Variants in QTMAN observed in about 807,000 individuals in gnomAD.
The protein encoded by QTMAN is queuosine-tRNA mannosyltransferase.
the QTMAN span, among the ~76,000 whole-genome samples, chr2:144,196,500 T>A: frequency 6.6e-6 from 1 of 152,258 alleles, no homozygotes; most frequent in East Asian, 1.9e-4. Context: ...CCTACTATAG[T>A]GAAAGATAGG....
chr2:144,120,764 C>T, the QTMAN span, among the ~76,000 whole-genome samples: 2 of 152,054 alleles, frequency 1.3e-5, no homozygotes, highest in Non-Finnish European at 2.9e-5. Flanking sequence ...TTCTGAGCTA[C>T]CCCTTAAATC....
chr2:143,995,663 T>C, the QTMAN span, among the ~76,000 whole-genome samples: 1 of 152,312 alleles, frequency 6.6e-6, no homozygotes, highest in South Asian at 2.1e-4. Context: ...GCTATAACTA[T>C]AACTAGGCTA....
the QTMAN span, among the ~76,000 whole-genome samples, chr2:144,246,587 A>G: frequency 6.7e-6 from 1 of 149,698 alleles, no homozygotes; most frequent in Non-Finnish European, 1.5e-5. Flanking sequence ...CTCAAAAAAA[A>G]AAAAAAAAAA....
At chr2:144,145,630 G>A in the QTMAN span, 1 of 1,610,554 alleles carries the variant, frequency 6.2e-7, no homozygotes, top group Admixed American at 1.7e-5. Flanking sequence ...TTCTTGACAG[G>A]ATATATCAAC....
chr2:143,958,241 A>G, the QTMAN span, among the ~76,000 whole-genome samples: 1 of 152,122 alleles, frequency 6.6e-6, no homozygotes, highest in Non-Finnish European at 1.5e-5. Context: ...TAATGTAGAC[A>G]TAACTATCAA....
chr2:144,327,588 C>A, the QTMAN span, among the ~76,000 whole-genome samples: 1 of 152,080 alleles, frequency 6.6e-6, no homozygotes, highest in Non-Finnish European at 1.5e-5. Context: ...GTCCTAGAGT[C>A]CCTCATGCAA....
the QTMAN span, among the ~76,000 whole-genome samples, chr2:144,312,180 TC>T: frequency 6.7e-6 from 1 of 149,948 alleles, no homozygotes; most frequent in South Asian, 2.1e-4. Flanking sequence ...GGAGTTACAT[TC>T]TTTTTTTTTT....
chr2:144,271,168 G>T, the QTMAN span, among the ~76,000 whole-genome samples: 1 of 152,128 alleles, frequency 6.6e-6, no homozygotes, highest in East Asian at 1.9e-4. Flanking sequence ...TAAGTGTAAA[G>T]ATTTCTTTAT....
chr2:143,965,619 C>T, the QTMAN span, among the ~76,000 whole-genome samples: 4 of 152,106 alleles, frequency 2.6e-5, no homozygotes, highest in Non-Finnish European at 2.9e-5. Context: ...TAATTATTTG[C>T]CGTGGGGGCT....
the QTMAN span, among the ~76,000 whole-genome samples, chr2:144,318,667 G>T: frequency 6.6e-6 from 1 of 152,218 alleles, no homozygotes; most frequent in Non-Finnish European, 1.5e-5. Flanking sequence ...TGCAGTGGTG[G>T]CAGTGGCACA....
At chr2:144,192,730 A>G in the QTMAN span, among the ~76,000 whole-genome samples, 1 of 152,388 alleles carries the variant, frequency 6.6e-6, no homozygotes, top group South Asian at 2.1e-4. Flanking sequence ...TTCAAGCTAG[A>G]TAATTTGCAC....
chr2:144,156,540 T>C, the QTMAN span, among the ~76,000 whole-genome samples: 5 of 152,112 alleles, frequency 3.3e-5, no homozygotes, highest in Non-Finnish European at 7.4e-5. Context: ...TGCTAAATCC[T>C]GTGTGTGAGA....
chr2:144,025,656 C>G, the QTMAN span, among the ~76,000 whole-genome samples: 1 of 152,178 alleles, frequency 6.6e-6, no homozygotes, highest in African/African-American at 2.4e-5. Context: ...TTATCCATGA[C>G]AGGTGTACTA....
chr2:143,942,316 G>A, the QTMAN span: 4 of 167,144 alleles, frequency 2.4e-5, no homozygotes, highest in Non-Finnish European at 5.9e-5. Flanking sequence ...CAGAGTGAGT[G>A]AGGATCCTGG....
chr2:144,073,388 T>C, the QTMAN span, among the ~76,000 whole-genome samples: 1 of 152,152 alleles, frequency 6.6e-6, no homozygotes, highest in African/African-American at 2.4e-5. Flanking sequence ...AATGGAATTA[T>C]ATTCCAGCCC....
the QTMAN span, among the ~76,000 whole-genome samples, chr2:144,020,551 G>A: frequency 2.0e-5 from 3 of 152,208 alleles, no homozygotes; most frequent in African/African-American, 7.2e-5. Flanking sequence ...AAAACTAAAA[G>A]AGCACCCTGT....
At chr2:144,093,676 T>C in the QTMAN span, among the ~76,000 whole-genome samples, 1 of 152,212 alleles carries the variant, frequency 6.6e-6, no homozygotes, top group Non-Finnish European at 1.5e-5. Flanking sequence ...ATAAGTTACA[T>C]GGACCTGAAA....
the QTMAN span, among the ~76,000 whole-genome samples, chr2:144,221,994 T>C: frequency 6.6e-6 from 1 of 152,164 alleles, no homozygotes; most frequent in African/African-American, 2.4e-5. Context: ...TGTTAGAAAC[T>C]AAAATAATTA....
chr2:144,030,600 G>C, the QTMAN span, among the ~76,000 whole-genome samples: 1 of 152,092 alleles, frequency 6.6e-6, no homozygotes, highest in Non-Finnish European at 1.5e-5. Context: ...TAGACTTAAG[G>C]CTGGTTCTCT....
Sources: gnomAD v4.1 joint callset for allele counts (sites outside exome capture counted in the v4.1 genomes callset) on GRCh38, gnomAD v4.1.1 for gene constraint, MANE v1.5 for transcripts, NCBI Gene and HGNC (gene_info 2026-07-23, HGNC 2026-07-21) for gene names.